ZNF618: variants seen among roughly 807,000 people sequenced by gnomAD.
ZNF618 encodes zinc finger protein 618, also known as neural precursor cell expressed, developmentally down-regulated 10.
In ZNF618, 34 loss-of-function variants were observed where a neutral mutation model predicts 103.0. The observed-to-expected ratio is 0.33, with a 90% CI of 0.25 to 0.44. ZNF618 has a LOEUF of 0.44. Among genes scored for constraint, ZNF618 ranks in the 20% least tolerant of loss-of-function variants. ZNF618 has a pLI of 1.00. For missense variants in ZNF618, 1,059 were observed against 1,295.4 expected (o/e 0.82, Z 2.80); for synonymous variants, 551 against 542.2 (o/e 1.02, Z -0.23).
At chr9:113,940,968 T>C (rs1834495743) in intron 1 of ZNF618, among the ~76,000 whole-genome samples, 1 of 152,200 alleles carries the variant, frequency 6.6e-6, no homozygotes, top group African/African-American at 2.4e-5. Context: ...TGGTTTTGGT[T>C]TTCCATGATT....
At position 114,028,723 on chromosome 9, in the gene ZNF618, A is replaced by G; in HGVS notation, c.845-10A>G. 7 of 1,547,838 alleles carry G rather than the reference A, an allele frequency of 4.5e-6. No individual in the cohort carries two copies. Among genetic ancestry groups the G allele is most frequent in the Non-Finnish European group, 6.1e-6 (7 of 1,145,242 alleles). On this transcript the variant is annotated splice_polypyrimidine_tract_variant and intron_variant, in intron 10 of 14. Transcript: ENST00000374126. ...AGGGCCCTCGGGGACTGAGAGCGTG[A>G]CCCTCTCAGGTACTGCCCCCGGGTG...
intron 1 of ZNF618, among the ~76,000 whole-genome samples, chr9:113,940,568 G>A (rs1009808220): frequency 4.1e-5 from 6 of 147,530 alleles, no homozygotes; most frequent in Non-Finnish European, 7.5e-5. Flanking sequence ...TTTTATGTCA[G>A]TTAAAATTTT....
At chr9:113,974,477 G>A (rs1021586283) in intron 2 of ZNF618, among the ~76,000 whole-genome samples, 4 of 152,224 alleles carry the variant, frequency 2.6e-5, no homozygotes, top group Non-Finnish European at 5.9e-5. Context: ...ATATGATTTG[G>A]TTTTAAAAGG....
intron 13 of ZNF618, among the ~76,000 whole-genome samples, chr9:114,044,635 T>G (rs998740461): frequency 6.6e-6 from 1 of 152,194 alleles, no homozygotes. Context: ...GTTGGCAGTA[T>G]GGTCATTTTC....
rs1056498758 is a variant in ZNF618, at chr9:113,892,751, A to G, written c.33+16338A>G. ...TTTGTTGTACTTAAATGGTTTATCT[A>G]TTTGGAATATATTTGGTTTAAAGGA... On this transcript the variant is annotated intron_variant, in intron 1 of 14. Coordinates refer to ENST00000374126, the MANE Select transcript of ZNF618 (RefSeq NM_001318042.2). Among the ~76,000 whole-genome samples, 3 of 152,150 alleles carry G rather than the reference A, an allele frequency of 2.0e-5. No homozygotes were observed. In the East Asian group the frequency reaches 5.8e-4, roughly 29 times the overall value.
At chr9:113,889,009 G>A (rs926229359) in intron 1 of ZNF618, among the ~76,000 whole-genome samples, 4 of 152,072 alleles carry the variant, frequency 2.6e-5, no homozygotes, top group Non-Finnish European at 4.4e-5. Flanking sequence ...TCCAATCAGC[G>A]CCAGTTCATC....
chr9:113,925,500 C>A (rs894479232), intron 1 of ZNF618, among the ~76,000 whole-genome samples: 1 of 150,710 alleles, frequency 6.6e-6, no homozygotes, highest in Non-Finnish European at 1.5e-5. Flanking sequence ...GCATTTAGAC[C>A]ATTCACATTT....
chr9:113,912,530 G>A (rs1275821135), intron 1 of ZNF618, among the ~76,000 whole-genome samples: 1 of 152,176 alleles, frequency 6.6e-6, no homozygotes, highest in Non-Finnish European at 1.5e-5. Flanking sequence ...CAGCCTCCCC[G>A]GAGCCAAAGG....
chr9:113,999,200 G>A (rs1840924542), intron 4 of ZNF618, among the ~76,000 whole-genome samples: 1 of 152,020 alleles, frequency 6.6e-6, no homozygotes, highest in Admixed American at 6.5e-5. Flanking sequence ...CGAGGCGCAG[G>A]TGGGGGCCCT....
At position 113,951,575 on chromosome 9, in the gene ZNF618, ATATG is replaced by A. The variant is rs1382207912; in HGVS notation, c.34-17540_34-17537del. On this transcript the variant is annotated intron_variant, in intron 1 of 14. Coordinates refer to ENST00000374126, the MANE Select transcript of ZNF618 (RefSeq NM_001318042.2). Reference sequence around the variant, plus strand: ...TATGTGTGTGTATATGTGTGTGTGTATATGTGTGTGTGTGTGTGTGTGTATATAT... The same window carrying A: ...TATGTGTGTGTATATGTGTGTGTGTATGTGTGTGTGTGTGTGTGTATATAT... Among the ~76,000 whole-genome samples the A allele has an allele frequency of 9.1e-4, 22 of 24,126 alleles. 5 individuals are homozygous for A. Among genetic ancestry groups the A allele is most frequent in the South Asian group, 5.2e-3 (2 of 382 alleles). The allele number at this position is 24,126 out of a possible 152,430, so 15.8% of individuals were successfully genotyped here. A position where few individuals can be genotyped will look rare whatever the true frequency, so the allele number is the denominator to read the frequency against.
At chr9:113,939,523 TC>T (rs1395495314) in intron 1 of ZNF618, among the ~76,000 whole-genome samples, 1 of 152,158 alleles carries the variant, frequency 6.6e-6, no homozygotes, top group Non-Finnish European at 1.5e-5. Flanking sequence ...ATTGGAATGG[TC>T]TCCTCCTCAC....
At chr9:113,948,772 TG>T (rs1835282833) in intron 1 of ZNF618, among the ~76,000 whole-genome samples, 1 of 152,082 alleles carries the variant, frequency 6.6e-6, no homozygotes, top group African/African-American at 2.4e-5. Context: ...GATGTTGTGG[TG>T]GTGGCTACAG....
intron 1 of ZNF618, among the ~76,000 whole-genome samples, chr9:113,879,427 T>C (rs1378669458): frequency 1.3e-5 from 2 of 149,438 alleles, no homozygotes; most frequent in African/African-American, 2.5e-5. Flanking sequence ...TTGGTTATTC[T>C]GATCATGTTT....
chr9:113,907,861 T>A (rs1372354009), intron 1 of ZNF618, among the ~76,000 whole-genome samples: 5 of 152,322 alleles, frequency 3.3e-5, no homozygotes, highest in East Asian at 1.9e-4. Flanking sequence ...TATCCTGATT[T>A]TAGGATTCCC....
At chr9:113,895,529 A>AT (rs1311135918) in intron 1 of ZNF618, among the ~76,000 whole-genome samples, 1 of 151,982 alleles carries the variant, frequency 6.6e-6, no homozygotes. Flanking sequence ...TGTTTTTGTC[A>AT]TTTTTTAAGG....
rs16910941 is a variant in ZNF618 at position 113,951,706 on chromosome 9, A to G, written c.34-17411A>G. Among the ~76,000 whole-genome samples, 1,037 of 151,782 alleles carry G rather than the reference A, an allele frequency of 6.8e-3. 15 individuals carry two copies. The highest frequency in any genetic ancestry group is 0.023 in the African/African-American group (970 of 41,336). On this transcript the variant is annotated intron_variant, in intron 1 of 14. Transcript: ENST00000374126. ...GTATGTTGAGGGGCCTCTTGAGTAC[A>G]TAGTGGCTTTTCAGTTATCATGACT...
At position 113,973,845 on chromosome 9, in the gene ZNF618, C is replaced by T. The variant is rs538111055; in HGVS notation, c.77+4685C>T. ...TGTAGAAAATCTAGTCCAGCCCTTT[C>T]ATTTTAGAGATAAGGAAATCTGGGG... is the stretch of plus-strand genomic sequence containing the variant. On this transcript the variant is annotated intron_variant, in intron 2 of 14. Coordinates refer to ENST00000374126, the MANE Select transcript of ZNF618 (RefSeq NM_001318042.2). 2.3e-3 allele frequency among the ~76,000 whole-genome samples: 343 copies of T among 152,304 alleles called. 4 individuals are homozygous for T. The highest frequency in any genetic ancestry group is 7.9e-3 in the African/African-American group (327 of 41,572).
intron 5 of ZNF618, 128 bp downstream of exon 5, chr9:114,002,201 A>C: frequency 1.2e-6 from 1 of 836,050 alleles, no homozygotes; most frequent in Admixed American, 1.8e-5. Flanking sequence ...TTCTCCTCCT[A>C]CTTTCATCAG....
Position 113,969,097 on chromosome 9 carries a change from G to A in ZNF618, c.34-20G>A. On this transcript the variant is annotated intron_variant, in intron 1 of 14. Coordinates refer to ENST00000374126, the MANE Select transcript of ZNF618 (RefSeq NM_001318042.2). ...ATCTTCTGCCTTGGCTGATGTAGGT[G>A]TTTTGGGTTTCTTTTGCAGGCTGAC... The A allele has an allele frequency of 6.2e-7, 1 of 1,613,974 alleles. No individual in the cohort carries two copies. The highest frequency in any genetic ancestry group is 8.5e-7 in the Non-Finnish European group (1 of 1,179,886).
Sources: allele counts gnomAD v4.1 joint callset (sites outside exome capture counted in the v4.1 genomes callset), GRCh38; gene constraint gnomAD v4.1.1; transcripts MANE v1.5; gene names NCBI Gene and HGNC (gene_info 2026-07-23, HGNC 2026-07-21).